The following DIAPH2 variants were observed in gnomAD, a reference collection of about 807,000 sequenced individuals.
The protein encoded by DIAPH2 is protein diaphanous homolog 2.
In DIAPH2, 35 loss-of-function variants were observed where a neutral mutation model predicts 92.7. The ratio of observed to expected loss-of-function variants is 0.38; its 90% CI spans 0.29 to 0.50. The LOEUF (loss-of-function observed/expected upper bound fraction) is 0.50. DIAPH2 is among the 20% of genes least tolerant of loss of function. The pLI is 0.94. For synonymous variants in DIAPH2, 301 were observed against 280.4 expected (o/e 1.07, Z -0.73); for missense variants, 701 against 819.5 (o/e 0.86, Z 1.77).
At chrX:97,269,058 T>A (rs770126993) in intron 23 of DIAPH2, among the ~76,000 whole-genome samples, 139 of 110,640 alleles carry the variant, frequency 1.3e-3, no homozygotes, top group African/African-American at 4.4e-3. Context: ...GGTTTCACCA[T>A]GTTGGTCAAG....
At chrX:96,896,624 C>G (rs985504932) in intron 5 of DIAPH2, among the ~76,000 whole-genome samples, 2 of 112,004 alleles carry the variant, frequency 1.8e-5, no homozygotes. Flanking sequence ...TTTAACTGTT[C>G]CAATTAAAAA....
Position 96,979,105 on chromosome X carries a change from C to T in DIAPH2, c.2050+13898C>T, listed in dbSNP as rs1286661878. ...ACAGTCTTTTATAGCCTAATTTCGT[C>T]ATTAATAACATGTAACTAGGTTCAA... On this transcript the variant is annotated intron_variant, in intron 17 of 26. Transcript: ENST00000324765. Among the ~76,000 whole-genome samples, 8 of 111,805 alleles carry T rather than the reference C, an allele frequency of 7.2e-5. No homozygotes were observed. In the South Asian group the frequency reaches 3.1e-3, roughly 43 times the overall value.
At chrX:96,818,776 T>TA (rs756908380) in intron 4 of DIAPH2, among the ~76,000 whole-genome samples, 146 of 112,384 alleles carry the variant, frequency 1.3e-3, no homozygotes, top group African/African-American at 4.3e-3. Context: ...AAACTAGTCT[T>TA]AAAAAAAATC....
intron 26 of DIAPH2, among the ~76,000 whole-genome samples, chrX:97,435,786 G>C (rs1395922461): frequency 1.8e-5 from 2 of 108,465 alleles, no homozygotes; most frequent in Non-Finnish European, 3.8e-5. Context: ...GAGTGAAAAT[G>C]ACTCTTTTTT....
intron 12 of DIAPH2, among the ~76,000 whole-genome samples, chrX:96,940,616 C>A (rs2041154079): frequency 8.9e-6 from 1 of 111,996 alleles, no homozygotes; most frequent in Non-Finnish European, 1.9e-5. Flanking sequence ...GCATAGAGAA[C>A]TATTATAGTT....
intron 22 of DIAPH2, among the ~76,000 whole-genome samples, chrX:97,143,267 C>A (rs2067220271): frequency 9.1e-6 from 1 of 110,486 alleles, no homozygotes; most frequent in African/African-American, 3.3e-5. Context: ...ACATTTTAAA[C>A]ATTTGTGTTG....
chrX:97,443,078 T>G (rs767734837), intron 26 of DIAPH2, among the ~76,000 whole-genome samples: 1 of 110,842 alleles, frequency 9.0e-6, no homozygotes, highest in East Asian at 2.8e-4. Flanking sequence ...AATTTTAAAT[T>G]TTTTTGTAGA....
chrX:97,405,249 C>G (rs757877908), intron 25 of DIAPH2, among the ~76,000 whole-genome samples: 1 of 112,322 alleles, frequency 8.9e-6, no homozygotes, highest in South Asian at 3.7e-4. Flanking sequence ...AATCTCTCCC[C>G]AGTGAAATCA....
chrX:96,718,153 A>G (rs1305195336), intron 1 of DIAPH2, among the ~76,000 whole-genome samples: 1 of 105,483 alleles, frequency 9.5e-6, no homozygotes, highest in Non-Finnish European at 1.9e-5. Context: ...CATGAGTTCA[A>G]TTGTTATAAT....
chrX:97,117,972 T>C (rs1447295117), intron 21 of DIAPH2, among the ~76,000 whole-genome samples: 2 of 111,494 alleles, frequency 1.8e-5, no homozygotes, highest in African/African-American at 6.5e-5. Flanking sequence ...TGTTTTTTTT[T>C]TCAGTACGAA....
chrX:96,912,959 A>T (rs771950734), intron 7 of DIAPH2, among the ~76,000 whole-genome samples: 1 of 104,000 alleles, frequency 9.6e-6, no homozygotes, highest in Non-Finnish European at 2.0e-5. Context: ...AGTTTTCTCG[A>T]TTTTTTTTTT....
At chrX:96,712,750 C>T (rs2063926406) in intron 1 of DIAPH2, among the ~76,000 whole-genome samples, 1 of 111,452 alleles carries the variant, frequency 9.0e-6, no homozygotes, top group Admixed American at 9.6e-5. Flanking sequence ...TGTAGTCCAT[C>T]TAGATTTGTT....
chrX:97,328,435 AAAAC>A (rs543823929), intron 23 of DIAPH2, among the ~76,000 whole-genome samples: 11 of 111,412 alleles, frequency 9.9e-5, no homozygotes, highest in South Asian at 7.6e-4. Context: ...TCTGTATCAA[AAAAC>A]AAACAAACAA....
intron 5 of DIAPH2, among the ~76,000 whole-genome samples, chrX:96,903,127 T>C: frequency 2.8e-5 from 1 of 35,111 alleles, no homozygotes; most frequent in Non-Finnish European, 5.1e-5. Context: ...TTACCCCTGT[T>C]ACTGTGAAAA....
chrX:97,274,812 T>C (rs1301831170), intron 23 of DIAPH2, among the ~76,000 whole-genome samples: 1 of 110,605 alleles, frequency 9.0e-6, no homozygotes, highest in African/African-American at 3.3e-5. Context: ...TTTGTGTCCC[T>C]GGGTACTTGA....
At chrX:97,489,471 C>T (rs746814763) in intron 26 of DIAPH2, among the ~76,000 whole-genome samples, 60 of 110,146 alleles carry the variant, frequency 5.4e-4, no homozygotes, top group Non-Finnish European at 9.7e-4. Context: ...GCTTCCAGTA[C>T]TATCTTGAAT....
intron 22 of DIAPH2, among the ~76,000 whole-genome samples, chrX:97,219,238 ACT>A (rs1393539384): frequency 1.8e-5 from 2 of 112,127 alleles, no homozygotes; most frequent in Admixed American, 9.5e-5. Flanking sequence ...AAAATTTAAA[ACT>A]CTGCTATATT....
At chrX:97,243,332 C>T (rs2068113663) in intron 22 of DIAPH2, among the ~76,000 whole-genome samples, 1 of 107,303 alleles carries the variant, frequency 9.3e-6, no homozygotes, top group East Asian at 2.9e-4. Context: ...GATTATATCC[C>T]GCTCACCCCA....
At chrX:97,543,970 A>G (rs992916780) in intron 26 of DIAPH2, among the ~76,000 whole-genome samples, 1 of 112,446 alleles carries the variant, frequency 8.9e-6, no homozygotes, top group Middle Eastern at 4.2e-3. Context: ...TGATTTCTCT[A>G]TCGCGCTCAG....
Sources: gnomAD v4.1 joint callset for allele counts (sites outside exome capture counted in the v4.1 genomes callset) on GRCh38, gnomAD v4.1.1 for gene constraint, MANE v1.5 for transcripts, NCBI Gene and HGNC (gene_info 2026-07-23, HGNC 2026-07-21) for gene names.